NRXN1: variants seen among roughly 807,000 people sequenced by gnomAD.
NRXN1 encodes neurexin-1.
Under a neutral mutation model 150.9 loss-of-function variants are expected in NRXN1, and 39 were observed. The observed-to-expected ratio is 0.26, with a 90% CI of 0.20 to 0.34. NRXN1 has a LOEUF of 0.34. Among genes scored for constraint, NRXN1 ranks in the 10% least tolerant of loss-of-function variants. NRXN1 has a pLI of 1.00. For missense variants in NRXN1, 1,815 were observed against 1,949.9 expected (o/e 0.93, Z 1.30); for synonymous variants, 924 against 757.0 (o/e 1.22, Z -3.62).
At chr2:50,799,788 C>A (rs1707338138) in intron 5 of NRXN1, among the ~76,000 whole-genome samples, 1 of 152,082 alleles carries the variant, frequency 6.6e-6, no homozygotes, top group Admixed American at 6.6e-5. Context: ...TTTCACTGGG[C>A]TGTAACTCCA....
intron 5 of NRXN1, among the ~76,000 whole-genome samples, chr2:50,688,130 C>G (rs1691524208): frequency 6.6e-6 from 1 of 152,080 alleles, no homozygotes. Flanking sequence ...ACTGTTTTTC[C>G]CATGTATTAA....
intron 5 of NRXN1, among the ~76,000 whole-genome samples, chr2:50,673,861 A>G (rs1689182474): frequency 2.0e-5 from 3 of 152,204 alleles, no homozygotes; most frequent in South Asian, 2.1e-4. Flanking sequence ...CTATGCAGCC[A>G]TAAAAAAGGA....
intron 17 of NRXN1, among the ~76,000 whole-genome samples, chr2:50,260,251 A>G (rs2068113362): frequency 6.6e-6 from 1 of 151,806 alleles, no homozygotes; most frequent in Non-Finnish European, 1.5e-5. Context: ...AAATCTCCAA[A>G]ACCCTCTACT....
chr2:50,189,364 T>G (rs2061308423), intron 18 of NRXN1, among the ~76,000 whole-genome samples: 1 of 150,480 alleles, frequency 6.6e-6, no homozygotes, highest in African/African-American at 2.4e-5. Context: ...CTGAGCCTGC[T>G]GGGGGTTGGG....
intron 20 of NRXN1, among the ~76,000 whole-genome samples, chr2:50,054,521 A>G (rs778873551): frequency 3.9e-5 from 6 of 152,178 alleles, no homozygotes; most frequent in African/African-American, 7.2e-5. Context: ...ATTGCCCACT[A>G]TTTAAGATTC....
chr2:50,663,516 T>G (rs1412785535), intron 5 of NRXN1, among the ~76,000 whole-genome samples: 1 of 152,034 alleles, frequency 6.6e-6, no homozygotes, highest in African/African-American at 2.4e-5. Context: ...CTAAGTTATC[T>G]CTTTAGATAA....
intron 5 of NRXN1, chr2:50,919,207 A>G (rs1373876884): frequency 6.6e-6 from 1 of 151,740 alleles, no homozygotes; most frequent in Non-Finnish European, 1.5e-5. Context: ...TACACATGAT[A>G]AGGGATTTTG....
At chr2:50,246,714 T>C (rs1210706483) in intron 17 of NRXN1, among the ~76,000 whole-genome samples, 2 of 124,670 alleles carry the variant, frequency 1.6e-5, no homozygotes, top group Non-Finnish European at 3.6e-5. Context: ...CTTCTGCTGG[T>C]TTAGGCTTCT....
At chr2:50,160,418 G>A (rs904770427) in intron 18 of NRXN1, among the ~76,000 whole-genome samples, 1 of 151,964 alleles carries the variant, frequency 6.6e-6, no homozygotes, top group East Asian at 1.9e-4. Flanking sequence ...ATGCATGCCT[G>A]TAATCCCAGC....
At chr2:50,186,214 T>C (rs1439080794) in intron 18 of NRXN1, among the ~76,000 whole-genome samples, 1 of 152,040 alleles carries the variant, frequency 6.6e-6, no homozygotes, top group Non-Finnish European at 1.5e-5. Flanking sequence ...AACAATACCA[T>C]CCTTTTCTGT....
intron 18 of NRXN1, among the ~76,000 whole-genome samples, chr2:50,092,001 T>G (rs1391458271): frequency 6.6e-6 from 1 of 152,186 alleles, no homozygotes; most frequent in African/African-American, 2.4e-5. Context: ...CACAAAACCA[T>G]CAAATACTAA....
At chr2:50,914,609 T>G (rs1222992988) in intron 5 of NRXN1, among the ~76,000 whole-genome samples, 1 of 151,728 alleles carries the variant, frequency 6.6e-6, no homozygotes, top group African/African-American at 2.4e-5. Flanking sequence ...TTCTAGAGGC[T>G]TCTTGCATTG....
intron 18 of NRXN1, among the ~76,000 whole-genome samples, chr2:50,234,862 G>A (rs1188588805): frequency 6.6e-6 from 1 of 152,018 alleles, no homozygotes; most frequent in Admixed American, 6.6e-5. Context: ...TCCATGGCTC[G>A]TAAAGGAGAT....
intron 17 of NRXN1, among the ~76,000 whole-genome samples, chr2:50,241,403 T>C (rs2065987750): frequency 6.6e-6 from 1 of 151,890 alleles, no homozygotes; most frequent in African/African-American, 2.4e-5. Flanking sequence ...GAGGAATGTG[T>C]CACCTTTATT....
At chr2:50,403,929 G>A (rs141676405) in intron 17 of NRXN1, among the ~76,000 whole-genome samples, 3 of 152,144 alleles carry the variant, frequency 2.0e-5, no homozygotes, top group African/African-American at 7.2e-5. Context: ...CTGAACATAA[G>A]ACAATGTTCT....
intron 17 of NRXN1, among the ~76,000 whole-genome samples, chr2:50,250,831 C>T (rs1032373498): frequency 1.1e-4 from 17 of 150,760 alleles, no homozygotes; most frequent in African/African-American, 3.2e-4. Flanking sequence ...ATGTGCAGTA[C>T]GTGCAGGTTT....
At chr2:50,479,767 CTTT>C (rs35301086) in intron 15 of NRXN1, among the ~76,000 whole-genome samples, 16 of 79,864 alleles carry the variant, frequency 2.0e-4, no homozygotes, top group African/African-American at 6.7e-4. Context: ...ATTTCTTTTT[CTTT>C]TTTTTTTTTT....
intron 5 of NRXN1, among the ~76,000 whole-genome samples, chr2:50,664,827 A>G (rs1166355391): frequency 6.6e-6 from 1 of 151,740 alleles, no homozygotes; most frequent in Non-Finnish European, 1.5e-5. Context: ...TTTCAGTCTT[A>G]TTTTGCAATA....
chr2:50,250,326 G>A (rs977534245), intron 17 of NRXN1, among the ~76,000 whole-genome samples: 2 of 152,054 alleles, frequency 1.3e-5, no homozygotes, highest in Non-Finnish European at 2.9e-5. Flanking sequence ...AAAGATAAGA[G>A]CAAATTTTAT....
Sources: allele counts gnomAD v4.1 joint callset (sites outside exome capture counted in the v4.1 genomes callset), GRCh38; gene constraint gnomAD v4.1.1; transcripts MANE v1.5; gene names NCBI Gene and HGNC (gene_info 2026-07-23, HGNC 2026-07-21).